CEP63: variants seen among roughly 807,000 people sequenced by gnomAD.
CEP63 encodes the protein centrosomal protein 63.
Under a neutral mutation model 89.1 loss-of-function variants are expected in CEP63, and 84 were observed. The ratio of observed to expected loss-of-function variants is 0.94; its 90% CI spans 0.79 to 1.13. The LOEUF (loss-of-function observed/expected upper bound fraction) is 1.13, where lower values mean the gene tolerates loss of function less well. Ranked by LOEUF, CEP63 falls within the 50% of genes most tolerant of loss-of-function variation. The pLI is 0.00. For missense variants in CEP63, 838 were observed against 813.3 expected, an observed-to-expected ratio of 1.03 and a Z score of -0.37; for synonymous variants, 267 against 272.5, an observed-to-expected ratio of 0.98 and a Z score of 0.20.
the CEP63 span, chr3:134,651,057 G>A: frequency 1.9e-6 from 3 of 1,552,280 alleles, no homozygotes; most frequent in African/African-American, 1.4e-5. Flanking sequence ...CACGGGAGAG[G>A]GCGAGGGCGC....
the CEP63 span, among the ~76,000 whole-genome samples, chr3:134,687,844 C>T: frequency 6.6e-6 from 1 of 152,184 alleles, no homozygotes; most frequent in Admixed American, 6.5e-5. Context: ...GTGGACTGTC[C>T]TTGTGTTGCT....
At chr3:134,554,303 A>G (rs1955616874) in intron 12 of CEP63, among the ~76,000 whole-genome samples, 1 of 149,522 alleles carries the variant, frequency 6.7e-6, no homozygotes, top group Admixed American at 6.7e-5. Context: ...CTCATTGTTC[A>G]ATTCCCACCT....
the CEP63 span, among the ~76,000 whole-genome samples, chr3:134,723,811 G>A: frequency 2.0e-5 from 3 of 152,170 alleles, no homozygotes; most frequent in Admixed American, 6.5e-5. Flanking sequence ...TTTTCTGGGT[G>A]TGGGGCATAT....
the CEP63 span, among the ~76,000 whole-genome samples, chr3:134,693,036 C>G: frequency 2.0e-5 from 3 of 152,156 alleles, no homozygotes; most frequent in African/African-American, 7.2e-5. Context: ...GTTGCCCACC[C>G]CATATCTTTT....
At chr3:134,524,372 T>C (rs1948186814) in intron 3 of CEP63, among the ~76,000 whole-genome samples, 2 of 152,204 alleles carry the variant, frequency 1.3e-5, no homozygotes, top group Non-Finnish European at 2.9e-5. Flanking sequence ...TTGGATGCCC[T>C]TTATTTCTTT....
chr3:134,757,141 C>T, the CEP63 span, among the ~76,000 whole-genome samples: 4 of 152,184 alleles, frequency 2.6e-5, no homozygotes, highest in East Asian at 1.9e-4. Flanking sequence ...CAGCTGCTTA[C>T]CCACAGCCAC....
rs1170977543 is a variant in CEP63, at chr3:134,558,663, T to C, written c.1673+316T>C. On this transcript the variant is annotated intron_variant, in intron 13 of 14. Coordinates refer to ENST00000675561, the MANE Select transcript of CEP63 (RefSeq NM_001353108.3). ...CCCATAAGAAGTAGAATTTGGCTTTTTATAAACAGCTTCCTTTGTCTTTTT... is the reference window on the plus strand; with the variant it reads ...CCCATAAGAAGTAGAATTTGGCTTTCTATAAACAGCTTCCTTTGTCTTTTT... Among the ~76,000 whole-genome samples, 12 of 152,330 alleles carry C rather than the reference T, an allele frequency of 7.9e-5. 2 individuals are homozygous for C. The South Asian group carries it at 2.5e-3, about 32-fold the overall frequency.
intron 14 of CEP63, among the ~76,000 whole-genome samples, chr3:134,560,281 C>G (rs1957116899): frequency 6.6e-6 from 1 of 152,178 alleles, no homozygotes; most frequent in South Asian, 2.1e-4. Flanking sequence ...CCCTCAGACT[C>G]CACTGGGGTA....
intron 5 of CEP63, among the ~76,000 whole-genome samples, chr3:134,534,748 C>G (rs1160634532): frequency 6.6e-6 from 1 of 152,144 alleles, no homozygotes; most frequent in Non-Finnish European, 1.5e-5. Flanking sequence ...TGGTCACTAA[C>G]CTCAAATGGG....
At chr3:134,724,292 T>G in the CEP63 span, among the ~76,000 whole-genome samples, 1 of 152,354 alleles carries the variant, frequency 6.6e-6, no homozygotes, top group South Asian at 2.1e-4. Context: ...AACTTCTCTT[T>G]CTGTCAGGTG....
At chr3:134,741,521 T>C in the CEP63 span, among the ~76,000 whole-genome samples, 1 of 152,146 alleles carries the variant, frequency 6.6e-6, no homozygotes, top group Admixed American at 6.5e-5. Context: ...GATGCTTGAG[T>C]CCTCGCTCTG....
the CEP63 span, among the ~76,000 whole-genome samples, chr3:134,778,357 A>T: frequency 6.6e-6 from 1 of 151,968 alleles, no homozygotes; most frequent in African/African-American, 2.4e-5. Flanking sequence ...TCGCCCTCCC[A>T]AAGTGCTTGA....
Position 134,500,013 on chromosome 3 carries a change from A to G in CEP63, c.44+4649A>G, listed in dbSNP as rs375121746. Reference sequence around the variant, plus strand: ...TAATTTTTTTGTATTTTTGGTAGAGATGGGATTTCGCCATGTTGGCCAGGC... The same window carrying G: ...TAATTTTTTTGTATTTTTGGTAGAGGTGGGATTTCGCCATGTTGGCCAGGC... On this transcript the variant is annotated intron_variant, in intron 2 of 14. Transcript: ENST00000675561. 2.6e-5 allele frequency among the ~76,000 whole-genome samples: 4 copies of G among 151,574 alleles called. No individual in the cohort carries two copies. In the East Asian group the frequency reaches 5.8e-4, roughly 22 times the overall value.
the CEP63 span, among the ~76,000 whole-genome samples, chr3:134,676,441 G>C: frequency 6.6e-6 from 1 of 152,158 alleles, no homozygotes; most frequent in African/African-American, 2.4e-5. Context: ...GAAAAATGGC[G>C]GAGTGACTGT....
intron 10 of CEP63, among the ~76,000 whole-genome samples, chr3:134,581,665 T>C (rs62271515): frequency 2.7e-5 from 4 of 146,958 alleles, no homozygotes; most frequent in Admixed American, 2.0e-4. Context: ...TCAATACACA[T>C]TCATGATGAA....
At chr3:134,528,720 G>T (rs981200992) in intron 3 of CEP63, among the ~76,000 whole-genome samples, 3 of 152,104 alleles carry the variant, frequency 2.0e-5, no homozygotes, top group African/African-American at 7.2e-5. Flanking sequence ...CTCCTTTTGG[G>T]ATAATCTGTT....
At chr3:134,525,268 C>A (rs945949554) in intron 3 of CEP63, among the ~76,000 whole-genome samples, 3 of 152,068 alleles carry the variant, frequency 2.0e-5, no homozygotes, top group African/African-American at 7.2e-5. Context: ...TGAGTCTCCT[C>A]TCTTCTTTAT....
At chr3:134,540,225 A>T (rs887818181) in intron 6 of CEP63, among the ~76,000 whole-genome samples, 28 of 152,136 alleles carry the variant, frequency 1.8e-4, no homozygotes, top group Admixed American at 3.3e-4. Context: ...CAGCTTTAAA[A>T]TTTTTCCTTT....
chr3:134,668,855 C>T, the CEP63 span, among the ~76,000 whole-genome samples: 2 of 152,120 alleles, frequency 1.3e-5, no homozygotes, highest in African/African-American at 2.4e-5. Context: ...CCATCTCTGC[C>T]ACCTCCACTA....
Sources: allele counts gnomAD v4.1 joint callset (sites outside exome capture counted in the v4.1 genomes callset), GRCh38; gene constraint gnomAD v4.1.1; transcripts MANE v1.5; gene names NCBI Gene and HGNC (gene_info 2026-07-23, HGNC 2026-07-21).